The following ZNF155 variants were observed in gnomAD, a reference collection of about 807,000 sequenced individuals.
The protein encoded by ZNF155 is KRAB A domain.
In ZNF155, 15 loss-of-function variants were observed where a neutral mutation model predicts 11.9. That is an observed-to-expected ratio of 1.26 (90% CI 0.84 to 1.94). The LOEUF (loss-of-function observed/expected upper bound fraction) is 1.94, where lower values mean the gene tolerates loss of function less well. ZNF155 is among the 30% of genes most tolerant of loss of function. ZNF155 has a pLI of 0.00. For synonymous variants in ZNF155, 212 were observed against 219.9 expected, an observed-to-expected ratio of 0.96 and a Z score of 0.32; for missense variants, 602 against 639.1, an observed-to-expected ratio of 0.94 and a Z score of 0.63.
chr19:43,993,482 C>T (rs774007356), intron 4 of ZNF155, among the ~76,000 whole-genome samples: 4 of 152,112 alleles, frequency 2.6e-5, no homozygotes, highest in Admixed American at 6.5e-5. Flanking sequence ...GGTGCAATCT[C>T]GGCTCACAGC....
chr19:43,996,130 A>C lies in ZNF155; in HGVS notation c.273A>C (p.Glu91Asp). The change falls in exon 5 of 5, where the codon GAA (glutamate) becomes GAC (aspartate). Residue 91 changes from glutamate (E) to aspartate (D), a missense_variant. Physicochemically the swap from Glu to Asp is conservative, Grantham distance 45. Transcript: ENST00000270014. ...AAACTGAGTTGGAGTCTGTTCCAGAAGCAGGAGCACATGAAGAGTGGTCCT... is the reference window on the plus strand; with the variant it reads ...AAACTGAGTTGGAGTCTGTTCCAGACGCAGGAGCACATGAAGAGTGGTCCT... ...KIQTELESVP[E>D]AGAHEEWSCQ... 6.2e-7 allele frequency: 1 copy of C among 1,612,442 alleles called. No individual in the cohort carries two copies. The highest frequency in any genetic ancestry group is 8.5e-7 in the Non-Finnish European group (1 of 1,178,950).
rs1465651046 is a variant in ZNF155 at position 43,998,312 on chromosome 19, T to C, written c.*838T>C. On this transcript the variant is annotated 3_prime_UTR_variant, in exon 5 of 5. Transcript: ENST00000270014. ...GCTTTTTTCTTTCACTTATTAAACT[T>C]TTACTCCAATTTCACCCTTGTGTCT... 1 of 152,204 alleles carries C rather than the reference T, an allele frequency of 6.6e-6. No individual in the cohort carries two copies. Among genetic ancestry groups the C allele is most frequent in the Non-Finnish European group, 1.5e-5 (1 of 68,048 alleles). The allele number at this position is 152,204 out of a possible 1,614,324, so 9.4% of individuals were successfully genotyped here. A position where few individuals can be genotyped will look rare whatever the true frequency, so the allele number is the denominator to read the frequency against.
At chr19:43,985,509 C>T (rs1975405437) in intron 1 of ZNF155, among the ~76,000 whole-genome samples, 1 of 147,224 alleles carries the variant, frequency 6.8e-6, no homozygotes, top group African/African-American at 2.5e-5. Context: ...CACCATGGCT[C>T]TGTGGAAAGG....
rs770997774 is a variant in ZNF155 at position 43,996,500 on chromosome 19, C to G, written c.643C>G (p.Gln215Glu). ...MCDVCGKEFSQSSHLQTHQRV... is the reference protein window; with the variant it reads ...MCDVCGKEFSESSHLQTHQRV... The stretch of plus-strand genomic sequence containing the variant: ...TGATGTGTGTGGCAAGGAATTTAGT[C>G]AAAGCTCACATCTGCAAACTCATCA... Residue 215 changes from glutamine (Q) to glutamate (E), a missense_variant, in exon 5 of 5, where the codon CAA (glutamine) becomes GAA (glutamate). Physicochemically the swap from Gln to Glu is conservative, Grantham distance 29 (BLOSUM62 2). Coordinates refer to ENST00000270014, the MANE Select transcript of ZNF155 (RefSeq NM_198089.3). 5.0e-6 allele frequency: 8 copies of G among 1,614,066 alleles called. No homozygotes were observed. Among genetic ancestry groups the G allele is most frequent in the Non-Finnish European group, 5.9e-6 (7 of 1,180,028 alleles).
chr19:43,985,661 C>T (rs1399537447), intron 1 of ZNF155, among the ~76,000 whole-genome samples: 1 of 151,488 alleles, frequency 6.6e-6, no homozygotes. Context: ...CCTGCTTCAG[C>T]CTCCTAAGTA....
At position 43,997,474 on chromosome 19, in the gene ZNF155, ATT is replaced by A. The variant is rs777785669; in HGVS notation, c.*1_*2del. Reference sequence around the variant, plus strand: ...TATCATTATTTCTAAATGACACATAATTGTTCATATTTATGGGGTACAACGTG... The same window carrying A: ...TATCATTATTTCTAAATGACACATAAGTTCATATTTATGGGGTACAACGTG... On this transcript the variant is annotated 3_prime_UTR_variant, in exon 5 of 5. Coordinates refer to ENST00000270014, the MANE Select transcript of ZNF155 (RefSeq NM_198089.3). 1.0e-5 allele frequency: 16 copies of A among 1,591,224 alleles called. No individual in the cohort carries two copies. The highest frequency in any genetic ancestry group is 8.0e-5 in the South Asian group (7 of 87,892).
At position 43,996,953 on chromosome 19, in the gene ZNF155, C is replaced by G; in HGVS notation, c.1096C>G (p.His366Asp). The G allele has an allele frequency of 6.2e-7, 1 of 1,610,072 alleles. No homozygotes were observed. The highest frequency in any genetic ancestry group is 8.5e-7 in the Non-Finnish European group (1 of 1,177,488). ...AGATTTTTATAAGCATCAGGTGGTC[C>G]ACACAGGAGAAAAACCATATAATTG... The part of the protein sequence containing the change: ...RLDFYKHQVV[H>D]TGEKPYNCKE... The change falls in exon 5 of 5, where the codon CAC becomes GAC. Residue 366 changes from histidine (H) to aspartate (D), a missense_variant. Coordinates refer to ENST00000270014, the MANE Select transcript of ZNF155 (RefSeq NM_198089.3).
At chr19:43,992,698 A>G (rs1975708549) in intron 4 of ZNF155, among the ~76,000 whole-genome samples, 1 of 152,220 alleles carries the variant, frequency 6.6e-6, no homozygotes, top group African/African-American at 2.4e-5. Context: ...AACCAGGATG[A>G]TCTTCCTACC....
chr19:43,991,583 C>T lies in ZNF155; in HGVS notation c.51C>T (p.Phe17=), dbSNP rs958695935. Residue 17 remains phenylalanine, a synonymous_variant, in exon 3 of 5, where the codon TTC becomes TTT. Coordinates refer to ENST00000270014, the MANE Select transcript of ZNF155 (RefSeq NM_198089.3). ...AVTFKDVAVV[F]TEEELGLLDP... ...CCTTCAAGGATGTGGCTGTGGTCTT[C>T]ACTGAGGAGGAGCTGGGGCTGCTGG... 6.2e-6 allele frequency: 10 copies of T among 1,613,944 alleles called. No individual in the cohort carries two copies. The African/African-American group carries it at 9.3e-5, about 15-fold the overall frequency.
At chr19:43,990,963 GA>G (rs1215560443) in intron 2 of ZNF155, among the ~76,000 whole-genome samples, 1 of 152,096 alleles carries the variant, frequency 6.6e-6, no homozygotes, top group Non-Finnish European at 1.5e-5. Flanking sequence ...GGGGCAATAC[GA>G]CTTACTGGGC....
chr19:43,995,844 A>G (rs1381291616), intron 4 of ZNF155, among the ~76,000 whole-genome samples: 1 of 152,220 alleles, frequency 6.6e-6, no homozygotes, highest in African/African-American at 2.4e-5. Context: ...TTCATTACAA[A>G]TAGTAACAAG....
chr19:43,996,199 T>TCTATCATG lies in ZNF155; in HGVS notation c.343_344insTATCATGC (p.Gln115LeufsTer8), dbSNP rs1555763076. 8 of 1,614,076 alleles carry TCTATCATG rather than the reference T, an allele frequency of 5.0e-6. No homozygotes were observed. In the African/African-American group the frequency reaches 9.3e-5, roughly 19 times the overall value. ...AAATTGCAAAAGACTTAACCAGGTC[T>TCTATCATG]CAGGACTCTATCATAAATAACTCTC... On this transcript the variant is annotated frameshift_variant, in exon 5 of 5. Transcript: ENST00000270014. LOFTEE classifies it low-confidence loss of function (END_TRUNC).
Position 43,997,167 on chromosome 19 carries a change from A to T in ZNF155, c.1310A>T (p.Tyr437Phe), listed in dbSNP as rs199726372. ...PYKCEECGKGYVTKFNLDLHQ... is the reference protein window; with the variant it reads ...PYKCEECGKGFVTKFNLDLHQ... ...AAATGTGAGGAGTGTGGGAAGGGCT[A>T]TGTTACTAAGTTTAATCTTGACTTG... The change falls in exon 5 of 5, where the codon TAT becomes TTT. Residue 437 changes from tyrosine to phenylalanine, a missense_variant. By Grantham distance (22) the Tyr-to-Phe change is conservative. Coordinates refer to ENST00000270014, the MANE Select transcript of ZNF155 (RefSeq NM_198089.3). 13 of 1,614,162 alleles carry T rather than the reference A, an allele frequency of 8.1e-6. No individual in the cohort carries two copies. The highest frequency in any genetic ancestry group is 1.1e-5 in the Non-Finnish European group (13 of 1,180,014).
At chr19:43,993,543 A>G (rs1282819240) in intron 4 of ZNF155, among the ~76,000 whole-genome samples, 1 of 152,132 alleles carries the variant, frequency 6.6e-6, no homozygotes, top group African/African-American at 2.4e-5. Flanking sequence ...CCTCATAAGT[A>G]GCTGGAATTA....
At position 43,998,144 on chromosome 19, in the gene ZNF155, AGG is replaced by A. The variant is rs1291380844; in HGVS notation, c.*671_*672del. The A allele has an allele frequency of 8.5e-5, 13 of 152,300 alleles. No homozygotes were observed. Among genetic ancestry groups the A allele is most frequent in the African/African-American group, 2.9e-4 (12 of 41,510 alleles). 9.4% of individuals were successfully genotyped at this position (152,300 alleles called of 1,614,324 possible). A position where few individuals can be genotyped will look rare whatever the true frequency, so the allele number is the denominator to read the frequency against. Reference sequence around the variant, plus strand: ...TCGGTTCCTGATTGGTCCCGGGCCAAGGTCCCAGACCAAGCTGAATCACGCTT... The same window carrying A: ...TCGGTTCCTGATTGGTCCCGGGCCAATCCCAGACCAAGCTGAATCACGCTT... On this transcript the variant is annotated 3_prime_UTR_variant, in exon 5 of 5. Coordinates refer to ENST00000270014, the MANE Select transcript of ZNF155 (RefSeq NM_198089.3).
In ZNF155 at chr19:43,996,273, C is replaced by T; in HGVS notation, c.416C>T (p.Pro139Leu). Residue 139 changes from proline to leucine, a missense_variant, in exon 5 of 5, where the codon CCC (proline) becomes CTC (leucine). Physicochemically the swap from Pro to Leu is moderately conservative, Grantham distance 98. Coordinates refer to ENST00000270014, the MANE Select transcript of ZNF155 (RefSeq NM_198089.3). ...CCCTCCCAGGTTGAAGCAGGACTAC[C>T]CACAATTCATACAGGACAGAAACCT... ...DVPSQVEAGL[P>L]TIHTGQKPSQ... 1 of 1,614,110 alleles carries T rather than the reference C, an allele frequency of 6.2e-7. No homozygotes were observed. The highest frequency in any genetic ancestry group is 8.5e-7 in the Non-Finnish European group (1 of 1,180,002).
chr19:43,997,515 T>C lies in ZNF155; in HGVS notation c.*41T>C. ...GGGTACAACGTGCTATTTTAATGTGTGCATACAATTTATAGTGATCCAATC... is the reference window on the plus strand; with the variant it reads ...GGGTACAACGTGCTATTTTAATGTGCGCATACAATTTATAGTGATCCAATC... On this transcript the variant is annotated 3_prime_UTR_variant, in exon 5 of 5. Coordinates refer to ENST00000270014, the MANE Select transcript of ZNF155 (RefSeq NM_198089.3). The C allele has an allele frequency of 6.9e-7, 1 of 1,457,196 alleles. No homozygotes were observed. Among genetic ancestry groups the C allele is most frequent in the Non-Finnish European group, 9.3e-7 (1 of 1,079,500 alleles). The allele number at this position is 1,457,196 out of a possible 1,614,324, so 90.3% of individuals were successfully genotyped here. A position where few individuals can be genotyped will look rare whatever the true frequency, so the allele number is the denominator to read the frequency against.
At chr19:43,992,796 T>C (rs1364465112) in intron 4 of ZNF155, among the ~76,000 whole-genome samples, 1 of 152,260 alleles carries the variant, frequency 6.6e-6, no homozygotes, top group Admixed American at 6.5e-5. Context: ...GACTGTATAT[T>C]GCAGAACAGT....
Position 43,997,634 on chromosome 19 carries a change from G to C in ZNF155, c.*160G>C. 1 of 738,852 alleles carries C rather than the reference G, an allele frequency of 1.4e-6. No individual in the cohort carries two copies. Among genetic ancestry groups the C allele is most frequent in the South Asian group, 2.1e-5 (1 of 48,588 alleles). The allele number at this position is 738,852 out of a possible 1,614,324, so 45.8% of individuals were successfully genotyped here. A position where few individuals can be genotyped will look rare whatever the true frequency, so the allele number is the denominator to read the frequency against. ...TTGAGAGGAGTTGGTAGACAGCAAG[G>C]GAAGGGTCCCTGGAGACCCCCAGCC... On this transcript the variant is annotated 3_prime_UTR_variant, in exon 5 of 5. Transcript: ENST00000270014.
Sources: allele counts gnomAD v4.1 joint callset (sites outside exome capture counted in the v4.1 genomes callset), GRCh38; gene constraint gnomAD v4.1.1; transcripts MANE v1.5; gene names NCBI Gene and HGNC (gene_info 2026-07-23, HGNC 2026-07-21).